Variants in SP110 observed in about 807,000 individuals in gnomAD.
The protein encoded by SP110 is SP110 nuclear body protein.
In SP110, 62 loss-of-function variants were observed where a neutral mutation model predicts 92.7. The ratio of observed to expected loss-of-function variants is 0.67; its 90% CI spans 0.55 to 0.83. SP110 has a LOEUF of 0.83. Among genes scored for constraint, SP110 ranks in the 40% least tolerant of loss-of-function variants. The probability of loss-of-function intolerance (pLI) is 0.00; values close to 1 mark genes in which losing one functional copy is unlikely to be tolerated. For synonymous variants in SP110, 273 were observed against 305.3 expected, an observed-to-expected ratio of 0.89 and a Z score of 1.10; for missense variants, 793 against 863.9, an observed-to-expected ratio of 0.92 and a Z score of 1.03.
At chr2:230,195,938 T>A (rs7561924) in intron 10 of SP110, among the ~76,000 whole-genome samples, 1 of 151,958 alleles carries the variant, frequency 6.6e-6, no homozygotes, top group Non-Finnish European at 1.5e-5. Flanking sequence ...AAGCAAAAAA[T>A]ATAAGTTAAA....
At chr2:230,175,821 C>A (rs2148709290) in intron 14 of SP110, among the ~76,000 whole-genome samples, 1 of 152,274 alleles carries the variant, frequency 6.6e-6, no homozygotes, top group Admixed American at 6.5e-5. Context: ...CCTGGTGCTA[C>A]CAATAAGAAG....
At chr2:230,175,396 C>T (rs1042316063) in intron 14 of SP110, among the ~76,000 whole-genome samples, 7 of 149,014 alleles carry the variant, frequency 4.7e-5, no homozygotes, top group Non-Finnish European at 7.5e-5. Flanking sequence ...TAAAAAAAAA[C>T]CATTCTGTAG....
At chr2:230,177,805 G>A in intron 13 of SP110, 125 bp from the exon 14 acceptor site, 3 of 1,102,294 alleles carry the variant, frequency 2.7e-6, no homozygotes, top group Non-Finnish European at 4.1e-6. Flanking sequence ...GAGGTGGAAG[G>A]AGTAGCAGGG....
At chr2:230,215,478 T>A (rs994087448) in intron 2 of SP110, among the ~76,000 whole-genome samples, 9 of 152,198 alleles carry the variant, frequency 5.9e-5, no homozygotes, top group Admixed American at 5.9e-4. Context: ...GCAGGATACT[T>A]CAGCAATGGT....
intron 12 of SP110, among the ~76,000 whole-genome samples, chr2:230,180,670 C>T (rs1418996007): frequency 6.6e-6 from 1 of 152,134 alleles, no homozygotes; most frequent in African/African-American, 2.4e-5. Context: ...GTATCTAGCG[C>T]TCTTTCCACA....
upstream of SP110, chr2:230,221,635 G>T: frequency 7.2e-7 from 1 of 1,388,190 alleles, no homozygotes; most frequent in Non-Finnish European, 9.9e-7. Flanking sequence ...AACATACAGC[G>T]CTGTGATGCA....
rs200401083 is a variant in SP110, at chr2:230,177,693, G to A, written c.1448-13C>T. 2.7e-5 allele frequency: 44 copies of A among 1,613,664 alleles called. No homozygotes were observed. Among genetic ancestry groups the A allele is most frequent in the Non-Finnish European group, 3.4e-5 (40 of 1,179,860 alleles). ...TTCACTGAGGATCCTGTAAGAAAAA[G>A]CCCATTCTTGGATCTACCCCCATCC... On this transcript the variant is annotated splice_polypyrimidine_tract_variant and intron_variant, in intron 13 of 18. Transcript: ENST00000258381.
At chr2:230,194,701 A>T (rs1175519042) in intron 10 of SP110, among the ~76,000 whole-genome samples, 2 of 152,186 alleles carry the variant, frequency 1.3e-5, no homozygotes, top group Admixed American at 1.3e-4. Context: ...TTTGGAACTG[A>T]AAGTCTGAAT....
At chr2:230,215,499 G>T (rs1322696438) in intron 2 of SP110, among the ~76,000 whole-genome samples, 8 of 152,182 alleles carry the variant, frequency 5.3e-5, no homozygotes, top group Admixed American at 5.2e-4. Context: ...TCTAGTGATG[G>T]TCACAGAGGC....
chr2:230,221,589 C>G, upstream of SP110: 1 of 1,026,670 alleles, frequency 9.7e-7, no homozygotes. Context: ...ATGCTAACAG[C>G]TGAGGAGAGG....
intron 13 of SP110, 28 bp downstream of exon 13, chr2:230,178,129 C>T: frequency 1.4e-6 from 2 of 1,409,518 alleles, no homozygotes; most frequent in Non-Finnish European, 2.0e-6. Context: ...TCTAGGGATT[C>T]CAAAGAGCAG....
chr2:230,187,041 TG>T (rs1559148118), intron 10 of SP110, among the ~76,000 whole-genome samples: 1 of 152,214 alleles, frequency 6.6e-6, no homozygotes, highest in Non-Finnish European at 1.5e-5. Context: ...CTGGATGGAA[TG>T]GTAGATCTAC....
chr2:230,204,559 C>G (rs905413031), intron 8 of SP110, among the ~76,000 whole-genome samples: 13 of 151,798 alleles, frequency 8.6e-5, no homozygotes, highest in Admixed American at 4.6e-4. Flanking sequence ...TATCCTTTGT[C>G]AGATCATTAT....
chr2:230,201,028 C>T (rs1367776904), intron 9 of SP110, 63 bp from the exon 10 acceptor site: 2 of 1,265,570 alleles, frequency 1.6e-6, no homozygotes, highest in Admixed American at 3.4e-5. Flanking sequence ...CTCCCAGAGA[C>T]CCAGGAAGGC....
intron 9 of SP110, 139 bp downstream of exon 9, chr2:230,202,440 C>G (rs2043275428): frequency 1.3e-6 from 1 of 766,352 alleles, no homozygotes; most frequent in African/African-American, 1.8e-5. Context: ...CTTTGTTCCT[C>G]TTGTTATACC....
At chr2:230,189,924 T>G (rs1474198713) in intron 10 of SP110, among the ~76,000 whole-genome samples, 2 of 152,258 alleles carry the variant, frequency 1.3e-5, no homozygotes, top group Non-Finnish European at 2.9e-5. Flanking sequence ...GTACCACATA[T>G]TCTTTATCCA....
At position 230,209,995 on chromosome 2, in the gene SP110, A is replaced by T; in HGVS notation, c.765T>A (p.Asn255Lys). 1 of 1,596,944 alleles carries T rather than the reference A, an allele frequency of 6.3e-7. No homozygotes were observed. The change falls in exon 7 of 19, where the codon AAT becomes AAA. Residue 255 changes from asparagine to lysine, a missense_variant. Asn to Lys is a moderately conservative substitution (Grantham distance 94). Coordinates refer to ENST00000258381, the MANE Select transcript of SP110 (RefSeq NM_080424.4). ...CTTCTGGGTCATTTGGTTCTGGAGA[A>T]TTATCTCTTATCTCTGACAAAAGAA... ...PLGSMPEIRD[N>K]SPEPNDPEEP...
At chr2:230,224,701 T>C (rs891740980), upstream of SP110, among the ~76,000 whole-genome samples, 11 of 152,338 alleles carry the variant, frequency 7.2e-5, no homozygotes, top group South Asian at 2.1e-3. Flanking sequence ...TCCTTGCATA[T>C]GTGTAATGAA....
At chr2:230,222,054 C>T (rs1182183527), upstream of SP110, among the ~76,000 whole-genome samples, 1 of 152,136 alleles carries the variant, frequency 6.6e-6, no homozygotes, top group Non-Finnish European at 1.5e-5. Context: ...ATGGCAAAAT[C>T]CCGTCTCTAC....
Sources: gnomAD v4.1 joint callset for allele counts (sites outside exome capture counted in the v4.1 genomes callset) on GRCh38, gnomAD v4.1.1 for gene constraint, MANE v1.5 for transcripts, NCBI Gene and HGNC (gene_info 2026-07-23, HGNC 2026-07-21) for gene names.